LHFPL6: variants seen among roughly 807,000 people sequenced by gnomAD.
LHFPL6 encodes the protein LHFPL tetraspan subfamily member 6.
A neutral mutation model predicts 20.6 loss-of-function variants in LHFPL6; 9 were observed. The observed-to-expected ratio is 0.44, with a 90% CI of 0.26 to 0.76. The LOEUF (loss-of-function observed/expected upper bound fraction) is 0.76, where lower values mean the gene tolerates loss of function less well. Among genes scored for constraint, LHFPL6 ranks in the 30% least tolerant of loss-of-function variants. The pLI, the probability that LHFPL6 is intolerant of heterozygous loss-of-function variation, is 0.20. For synonymous variants in LHFPL6, 105 were observed against 98.7 expected, an observed-to-expected ratio of 1.06 and a Z score of -0.38; for missense variants, 218 against 253.5, an observed-to-expected ratio of 0.86 and a Z score of 0.95.
At chr13:39,505,043 T>G (rs191256865) in intron 2 of LHFPL6, among the ~76,000 whole-genome samples, 1 of 152,198 alleles carries the variant, frequency 6.6e-6, no homozygotes, top group African/African-American at 2.4e-5. Context: ...CCCCAAAGCT[T>G]AGGCTTCTTT....
At position 39,395,036 on chromosome 13, in the gene LHFPL6, C is replaced by T. The variant is rs141462703; in HGVS notation, c.386-16510G>A. Among the ~76,000 whole-genome samples the T allele has an allele frequency of 2.1e-3, 327 of 152,262 alleles. 2 individuals carry two copies. The highest frequency in any genetic ancestry group is 7.4e-3 in the African/African-American group (308 of 41,554). On this transcript the variant is annotated intron_variant, in intron 2 of 3. Coordinates refer to ENST00000379589, the MANE Select transcript of LHFPL6 (RefSeq NM_005780.3). The stretch of plus-strand genomic sequence containing the variant: ...CCCCATGGACTCCCCACTGCTCCTT[C>T]CCACGGGGCTCCAAACAGAAGTGTC...
chr13:39,387,865 ACACTGCTTTAGCCACAGGGAAGTCTCC>A (rs1870607302), intron 2 of LHFPL6, among the ~76,000 whole-genome samples: 1 of 152,170 alleles, frequency 6.6e-6, no homozygotes, highest in Non-Finnish European at 1.5e-5. Context: ...TCTAAGAATG[ACACTGCTTTAGCCACAGGGAAGTCTCC>A]CACTGCTGCC....
In LHFPL6 at chr13:39,342,980, TA is replaced by T. The variant is rs1209077877; in HGVS notation, c.*955del. On this transcript the variant is annotated 3_prime_UTR_variant, in exon 4 of 4. Transcript: ENST00000379589. ...ATTTTTTACAAAATGAATATAGAAA[TA>T]AATGTGGTACAGCACAGTACAATAA... The T allele has an allele frequency of 5.3e-6, 1 of 187,040 alleles. No homozygotes were observed. Among genetic ancestry groups the T allele is most frequent in the East Asian group, 8.6e-5 (1 of 11,596 alleles). The allele number at this position is 187,040 out of a possible 1,614,324, so 11.6% of individuals were successfully genotyped here. A position where few individuals can be genotyped will look rare whatever the true frequency, so the allele number is the denominator to read the frequency against.
At chr13:39,569,699 G>A (rs918459568) in intron 2 of LHFPL6, among the ~76,000 whole-genome samples, 1 of 152,166 alleles carries the variant, frequency 6.6e-6, no homozygotes, top group African/African-American at 2.4e-5. Flanking sequence ...GAAAAGTCAA[G>A]TTTGGATGAC....
chr13:39,433,265 A>C (rs751731358), intron 2 of LHFPL6, among the ~76,000 whole-genome samples: 7 of 152,166 alleles, frequency 4.6e-5, no homozygotes, highest in African/African-American at 7.2e-5. Context: ...TGTATATTTA[A>C]CTCTAGCAAA....
intron 2 of LHFPL6, among the ~76,000 whole-genome samples, chr13:39,511,043 T>A (rs1014225689): frequency 6.6e-6 from 1 of 152,134 alleles, no homozygotes; most frequent in African/African-American, 2.4e-5. Context: ...CAGCTAATTT[T>A]TGTATTTTTG....
At chr13:39,514,983 A>G (rs979464063) in intron 2 of LHFPL6, among the ~76,000 whole-genome samples, 1 of 152,216 alleles carries the variant, frequency 6.6e-6, no homozygotes, top group Admixed American at 6.5e-5. Context: ...GAATAGATCA[A>G]TTCAATAAAT....
intron 2 of LHFPL6, among the ~76,000 whole-genome samples, chr13:39,562,417 C>CATATACATGTATACATAT (rs1871524953): frequency 5.2e-5 from 3 of 57,900 alleles, no homozygotes; most frequent in Non-Finnish European, 7.8e-5. Flanking sequence ...CACATATACA[C>CATATACATGTATACATAT]ATATACATAT....
intron 2 of LHFPL6, among the ~76,000 whole-genome samples, chr13:39,515,459 C>T (rs1869878582): frequency 6.6e-6 from 1 of 152,200 alleles, no homozygotes; most frequent in African/African-American, 2.4e-5. Context: ...ATAAAGTGTG[C>T]CTGGGCTGAC....
At chr13:39,537,569 G>A (rs561821651) in intron 2 of LHFPL6, among the ~76,000 whole-genome samples, 191 of 152,206 alleles carry the variant, frequency 1.3e-3, no homozygotes, top group Admixed American at 2.4e-3. Flanking sequence ...AACTTACAGC[G>A]TGGGGTTTTC....
At chr13:39,403,225 C>T (rs1429239933) in intron 2 of LHFPL6, among the ~76,000 whole-genome samples, 1 of 152,192 alleles carries the variant, frequency 6.6e-6, no homozygotes, top group African/African-American at 2.4e-5. Context: ...CAGAGCTAGA[C>T]AATTTGCCTG....
Position 39,415,687 on chromosome 13 carries a change from T to C in LHFPL6, c.386-37161A>G, listed in dbSNP as rs75227762. Among the ~76,000 whole-genome samples the C allele has an allele frequency of 4.3e-3, 649 of 152,272 alleles. 3 individuals are homozygous for C. The highest frequency in any genetic ancestry group is 0.015 in the African/African-American group (613 of 41,560). Reference sequence around the variant, plus strand: ...TGGGGCAGTGTCTGGCTCATAGTTTTGCAGTAACCGAAGGTGTACTGGATG... The same window carrying C: ...TGGGGCAGTGTCTGGCTCATAGTTTCGCAGTAACCGAAGGTGTACTGGATG... On this transcript the variant is annotated intron_variant, in intron 2 of 3. Transcript: ENST00000379589.
intron 2 of LHFPL6, among the ~76,000 whole-genome samples, chr13:39,428,721 T>G (rs535262075): frequency 1.6e-4 from 25 of 152,304 alleles, no homozygotes; most frequent in African/African-American, 5.5e-4. Flanking sequence ...GTGACATTTA[T>G]TTCCTTTACT....
intron 2 of LHFPL6, among the ~76,000 whole-genome samples, chr13:39,475,838 C>T (rs1420881620): frequency 1.3e-5 from 2 of 152,132 alleles, no homozygotes; most frequent in Admixed American, 1.3e-4. Context: ...CTCTATCCCT[C>T]CCCACCGTAG....
chr13:39,530,383 G>A (rs559458969), intron 2 of LHFPL6, among the ~76,000 whole-genome samples: 1 of 152,190 alleles, frequency 6.6e-6, no homozygotes, highest in Admixed American at 6.5e-5. Context: ...GGTGCCTGGA[G>A]GTATGAGCGG....
chr13:39,435,580 C>T lies in LHFPL6; in HGVS notation c.386-57054G>A, dbSNP rs79684810. Reference sequence around the variant, plus strand: ...TAATGTACAATGTTACAGAATTATGCGTGAGTAAATTCTCCATTGAAAATG... The same window carrying T: ...TAATGTACAATGTTACAGAATTATGTGTGAGTAAATTCTCCATTGAAAATG... On this transcript the variant is annotated intron_variant, in intron 2 of 3. Transcript: ENST00000379589. 5.2e-3 allele frequency among the ~76,000 whole-genome samples: 789 copies of T among 152,174 alleles called. 14 individuals are homozygous for T. The East Asian group carries it at 0.059, about 11-fold the overall frequency.
intron 2 of LHFPL6, among the ~76,000 whole-genome samples, chr13:39,531,382 T>C (rs1566134417): frequency 6.6e-6 from 1 of 152,170 alleles, no homozygotes; most frequent in Non-Finnish European, 1.5e-5. Context: ...TTTGTTACCC[T>C]TTGGACACAT....
At chr13:39,549,072 C>T (rs1871067792) in intron 2 of LHFPL6, among the ~76,000 whole-genome samples, 1 of 152,094 alleles carries the variant, frequency 6.6e-6, no homozygotes, top group Non-Finnish European at 1.5e-5. Context: ...CATATTAAAA[C>T]AACCCTATTA....
At chr13:39,361,077 T>C (rs1869857173) in intron 3 of LHFPL6, among the ~76,000 whole-genome samples, 1 of 96,766 alleles carries the variant, frequency 1.0e-5, no homozygotes, top group East Asian at 3.7e-4. Flanking sequence ...GCTGCTCAAA[T>C]CTGTGAAAGG....
Sources: gnomAD v4.1 joint callset for allele counts (sites outside exome capture counted in the v4.1 genomes callset) on GRCh38, gnomAD v4.1.1 for gene constraint, MANE v1.5 for transcripts, NCBI Gene and HGNC (gene_info 2026-07-23, HGNC 2026-07-21) for gene names.